The following HS6ST3 variants were observed in gnomAD, a reference collection of about 807,000 sequenced individuals.
HS6ST3 encodes the protein heparan-sulfate 6-O-sulfotransferase 3.
Under a neutral mutation model 36.7 loss-of-function variants are expected in HS6ST3, and 12 were observed. The observed-to-expected ratio is 0.33, with a 90% CI of 0.21 to 0.53. The LOEUF is 0.53. Ranked by LOEUF, HS6ST3 falls within the 20% of genes least tolerant of loss-of-function variation. The pLI, the probability that HS6ST3 is intolerant of heterozygous loss-of-function variation, is 0.95. For synonymous variants in HS6ST3, 240 were observed against 257.5 expected (o/e 0.93, Z 0.65); for missense variants, 584 against 640.9 (o/e 0.91, Z 0.96).
At chr13:96,643,282 T>C (rs2056576974) in intron 1 of HS6ST3, among the ~76,000 whole-genome samples, 1 of 151,904 alleles carries the variant, frequency 6.6e-6, no homozygotes, top group African/African-American at 2.4e-5. Flanking sequence ...AGGCTGCTCA[T>C]TCTTAGTCTT....
intron 1 of HS6ST3, among the ~76,000 whole-genome samples, chr13:96,172,538 T>C (rs1207466304): frequency 6.6e-6 from 1 of 152,234 alleles, no homozygotes; most frequent in African/African-American, 2.4e-5. Context: ...AAACATTTGC[T>C]ATTTCTTTGT....
intron 1 of HS6ST3, among the ~76,000 whole-genome samples, chr13:96,497,920 G>A (rs2138910740): frequency 6.6e-6 from 1 of 152,254 alleles, no homozygotes; most frequent in South Asian, 2.1e-4. Flanking sequence ...CAGATTAATA[G>A]GAGAAAAGAT....
chr13:96,167,269 C>A (rs1341611162), intron 1 of HS6ST3, among the ~76,000 whole-genome samples: 1 of 152,132 alleles, frequency 6.6e-6, no homozygotes, highest in Non-Finnish European at 1.5e-5. Flanking sequence ...TTCGTAGATA[C>A]ACATTGCTGG....
intron 1 of HS6ST3, among the ~76,000 whole-genome samples, chr13:96,466,987 G>A (rs1351378859): frequency 1.3e-5 from 2 of 152,152 alleles, no homozygotes; most frequent in Non-Finnish European, 2.9e-5. Context: ...TATATACAGT[G>A]TTACTGAAGC....
At chr13:96,424,820 C>T (rs1594777200) in intron 1 of HS6ST3, among the ~76,000 whole-genome samples, 1 of 152,156 alleles carries the variant, frequency 6.6e-6, no homozygotes, top group East Asian at 1.9e-4. Context: ...CCATTGATCA[C>T]ATAATAAAAT....
At chr13:96,456,371 G>A (rs913396995) in intron 1 of HS6ST3, among the ~76,000 whole-genome samples, 8 of 152,248 alleles carry the variant, frequency 5.3e-5, no homozygotes, top group Middle Eastern at 3.4e-3. Flanking sequence ...ATTTTCAGAT[G>A]AGACACAGTG....
At chr13:96,558,664 T>C (rs2056250345) in intron 1 of HS6ST3, among the ~76,000 whole-genome samples, 1 of 152,234 alleles carries the variant, frequency 6.6e-6, no homozygotes, top group Admixed American at 6.5e-5. Context: ...TTTTTTGTTT[T>C]CTTTTTAGAA....
intron 1 of HS6ST3, among the ~76,000 whole-genome samples, chr13:96,692,186 C>T (rs1874982102): frequency 6.6e-6 from 1 of 152,086 alleles, no homozygotes. Flanking sequence ...GGGGCCATGA[C>T]ATAGTACAGT....
intron 1 of HS6ST3, among the ~76,000 whole-genome samples, chr13:96,735,216 T>C (rs1290012718): frequency 1.3e-5 from 2 of 150,764 alleles, no homozygotes; most frequent in African/African-American, 4.9e-5. Context: ...ATGATGGAAA[T>C]CATCTAAAGA....
chr13:96,156,747 C>T (rs570479724), intron 1 of HS6ST3, among the ~76,000 whole-genome samples: 3 of 152,274 alleles, frequency 2.0e-5, no homozygotes, highest in East Asian at 1.9e-4. Flanking sequence ...ATTACTGCCC[C>T]GTTTACCACT....
chr13:96,378,515 A>G (rs1252554518), intron 1 of HS6ST3, among the ~76,000 whole-genome samples: 3 of 152,160 alleles, frequency 2.0e-5, no homozygotes, highest in Admixed American at 1.3e-4. Context: ...TTATCCATCC[A>G]TTCCCAGGGC....
chr13:96,754,992 T>G (rs1876788078), intron 1 of HS6ST3, among the ~76,000 whole-genome samples: 1 of 152,188 alleles, frequency 6.6e-6, no homozygotes, highest in African/African-American at 2.4e-5. Flanking sequence ...CCTTCTTACT[T>G]TCTTAATTTT....
At chr13:96,112,576 TAA>T (rs1246514461) in intron 1 of HS6ST3, among the ~76,000 whole-genome samples, 2 of 35,242 alleles carry the variant, frequency 5.7e-5, no homozygotes, top group East Asian at 1.2e-3. Flanking sequence ...CTAAAATAAA[TAA>T]ATATATATAT....
In HS6ST3 at chr13:96,706,435, AT is replaced by A. The variant is rs1214561238; in HGVS notation, c.708-126054del. Among the ~76,000 whole-genome samples, 1,344 of 144,848 alleles carry A rather than the reference AT, an allele frequency of 9.3e-3. 36 individuals carry two copies. Among genetic ancestry groups the A allele is most frequent in the African/African-American group, 0.032 (1,241 of 38,998 alleles). On this transcript the variant is annotated intron_variant, in intron 1 of 1. Transcript: ENST00000376705. ...ATTTTATATATATATATATATATAT[AT>A]ATATAATCAGGGAAAGTAGCGTTTG...
rs552660160 is a variant in HS6ST3 at position 96,121,435 on chromosome 13, A to G, written c.707+29866A>G. Among the ~76,000 whole-genome samples the G allele has an allele frequency of 9.3e-4, 141 of 152,316 alleles. 1 individual carries two copies. Among genetic ancestry groups the G allele is most frequent in the African/African-American group, 3.1e-3 (128 of 41,580 alleles). ...GCAGAAGAGGCATACACTTATTGCT[A>G]TTATTCATTTACAACATACGTTGAC... is the stretch of plus-strand genomic sequence containing the variant. On this transcript the variant is annotated intron_variant, in intron 1 of 1. Coordinates refer to ENST00000376705, the MANE Select transcript of HS6ST3 (RefSeq NM_153456.4).
chr13:96,826,812 C>G (rs1878658674), intron 1 of HS6ST3, among the ~76,000 whole-genome samples: 1 of 152,160 alleles, frequency 6.6e-6, no homozygotes, highest in African/African-American at 2.4e-5. Flanking sequence ...GGTGTAACTT[C>G]AAGTAAGCCT....
Position 96,833,210 on chromosome 13 carries a change from C to A in HS6ST3, c.*12C>A. 1 of 1,515,342 alleles carries A rather than the reference C, an allele frequency of 6.6e-7. No individual in the cohort carries two copies. Among genetic ancestry groups the A allele is most frequent in the South Asian group, 1.3e-5 (1 of 77,184 alleles). 93.9% of individuals were successfully genotyped at this position (1,515,342 alleles called of 1,614,324 possible). A position where few individuals can be genotyped will look rare whatever the true frequency, so the allele number is the denominator to read the frequency against. On this transcript the variant is annotated 3_prime_UTR_variant, in exon 2 of 2. Coordinates refer to ENST00000376705, the MANE Select transcript of HS6ST3 (RefSeq NM_153456.4). ...TGGTGAGATGGTGACCTCCTGCCCT[C>A]TCCTCTCTCAGGAGGGGGAGGGTGA... is the stretch of plus-strand genomic sequence containing the variant.
chr13:96,325,673 T>A (rs1201011692), intron 1 of HS6ST3, among the ~76,000 whole-genome samples: 1 of 152,150 alleles, frequency 6.6e-6, no homozygotes, highest in Admixed American at 6.5e-5. Flanking sequence ...CCATCCCTCA[T>A]GGGTACTGAA....
intron 1 of HS6ST3, among the ~76,000 whole-genome samples, chr13:96,478,110 A>C (rs183719427): frequency 2.5e-3 from 388 of 152,250 alleles, no homozygotes; most frequent in African/African-American, 9.1e-3. Context: ...AGAGAGAAAA[A>C]ATAGGACCTA....
Sources: gnomAD v4.1 joint callset for allele counts (sites outside exome capture counted in the v4.1 genomes callset) on GRCh38, gnomAD v4.1.1 for gene constraint, MANE v1.5 for transcripts, NCBI Gene and HGNC (gene_info 2026-07-23, HGNC 2026-07-21) for gene names.